EPM2A: variants seen among roughly 807,000 people sequenced by gnomAD.
EPM2A encodes EPM2A glucan phosphatase, laforin.
A neutral mutation model predicts 26.5 loss-of-function variants in EPM2A; 21 were observed. The ratio of observed to expected loss-of-function variants is 0.79; its 90% CI spans 0.56 to 1.14. EPM2A has a LOEUF of 1.14. Among genes scored for constraint, EPM2A ranks in the 50% most tolerant of loss-of-function variants. The probability of loss-of-function intolerance (pLI) is 0.00; values close to 1 mark genes in which losing one functional copy is unlikely to be tolerated. For synonymous variants in EPM2A, 217 were observed against 177.6 expected (o/e 1.22, Z -1.76); for missense variants, 458 against 440.8 (o/e 1.04, Z -0.35).
chr6:145,706,588 G>T (rs1782235454), intron 1 of EPM2A, among the ~76,000 whole-genome samples: 1 of 152,036 alleles, frequency 6.6e-6, no homozygotes, highest in Non-Finnish European at 1.5e-5. Flanking sequence ...GTAGCCACTG[G>T]AGAAAAACAG....
In EPM2A at chr6:145,626,650, G is replaced by T. The variant is rs560480535; in HGVS notation, c.*766C>A. ...AAATAAATATAGATTATTAACTCCA[G>T]CTTGCCCTTGACTGGTCATGAGACC... On this transcript the variant is annotated 3_prime_UTR_variant, in exon 4 of 4. Transcript: ENST00000367519. 2.0e-6 allele frequency: 2 copies of T among 979,292 alleles called. No individual in the cohort carries two copies. Among genetic ancestry groups the T allele is most frequent in the African/African-American group, 1.7e-5 (1 of 57,208 alleles). 60.7% of individuals were successfully genotyped at this position (979,292 alleles called of 1,614,324 possible).
At chr6:145,565,502 CAT>C (rs1780873301) in intron 2 of EPM2A, among the ~76,000 whole-genome samples, 1 of 151,410 alleles carries the variant, frequency 6.6e-6, no homozygotes, top group African/African-American at 2.4e-5. Flanking sequence ...GATCTTAAAA[CAT>C]GTACTTGCTT....
chr6:145,697,982 A>T (rs1308560250), intron 1 of EPM2A, among the ~76,000 whole-genome samples: 1 of 152,004 alleles, frequency 6.6e-6, no homozygotes, highest in Non-Finnish European at 1.5e-5. Flanking sequence ...AAGGGTATTA[A>T]TTGGGGAAGT....
intron 1 of EPM2A, among the ~76,000 whole-genome samples, chr6:145,722,327 G>C (rs1458572780): frequency 6.6e-6 from 1 of 152,136 alleles, no homozygotes; most frequent in Non-Finnish European, 1.5e-5. Flanking sequence ...GAAATTAAGA[G>C]AAAAGTCAAG....
chr6:145,434,225 A>G (rs1258939145), intron 4 of EPM2A, among the ~76,000 whole-genome samples: 2 of 148,282 alleles, frequency 1.3e-5, no homozygotes, highest in Non-Finnish European at 3.0e-5. Context: ...ATGATTTTCA[A>G]TTTCTCTTTG....
chr6:145,650,263 G>T (rs1403907190), intron 2 of EPM2A, among the ~76,000 whole-genome samples: 1 of 152,042 alleles, frequency 6.6e-6, no homozygotes, highest in Non-Finnish European at 1.5e-5. Context: ...AAATATTGAT[G>T]TCCTTGACCG....
intron 2 of EPM2A, among the ~76,000 whole-genome samples, chr6:145,679,329 A>G (rs1780321571): frequency 6.6e-6 from 1 of 152,148 alleles, no homozygotes; most frequent in Admixed American, 6.5e-5. Flanking sequence ...TGATGGGTGC[A>G]GCAAACCAAC....
intron 4 of EPM2A, among the ~76,000 whole-genome samples, chr6:145,384,338 A>AAAAATAAAAAAAGGTCATTTGTAAAT (rs1397091010): frequency 3.3e-5 from 5 of 149,954 alleles, no homozygotes; most frequent in Non-Finnish European, 4.5e-5. Flanking sequence ...GGCTGTTGTA[A>AAAAATAAAAAAAGGTCATTTGTAAAT]GTTGGATTTC....
chr6:145,390,193 T>C (rs1778318451), intron 4 of EPM2A, among the ~76,000 whole-genome samples: 1 of 152,152 alleles, frequency 6.6e-6, no homozygotes, highest in Non-Finnish European at 1.5e-5. Flanking sequence ...GAATTCCTTC[T>C]TTCTTTGGGG....
chr6:145,465,157 G>A (rs913335606), intron 4 of EPM2A, among the ~76,000 whole-genome samples: 1 of 151,794 alleles, frequency 6.6e-6, no homozygotes, highest in South Asian at 2.1e-4. Context: ...CATATTTCTT[G>A]GAGGCTTTGC....
At chr6:145,637,509 T>C (rs1379256777) in intron 2 of EPM2A, 1 of 151,964 alleles carries the variant, frequency 6.6e-6, no homozygotes, top group African/African-American at 2.4e-5. Context: ...GTCTAAAGGG[T>C]TATTAGGAAT....
chr6:145,653,190 C>T (rs1205990194), intron 2 of EPM2A, among the ~76,000 whole-genome samples: 1 of 152,192 alleles, frequency 6.6e-6, no homozygotes. Context: ...GAAGGAGGGA[C>T]CTGTAATCCC....
At chr6:145,476,095 G>A (rs75829907) in intron 4 of EPM2A, among the ~76,000 whole-genome samples, 2,214 of 152,106 alleles carry the variant, frequency 0.015, 16 homozygotes, top group Middle Eastern at 0.024. Context: ...CATGCCAATT[G>A]AAACCAAAAC....
intron 4 of EPM2A, among the ~76,000 whole-genome samples, chr6:145,430,148 C>A (rs1231706049): frequency 6.6e-6 from 1 of 151,742 alleles, no homozygotes; most frequent in African/African-American, 2.4e-5. Flanking sequence ...GCCGAGATGG[C>A]ACCATTGCAC....
chr6:145,645,799 G>T (rs748869552), intron 2 of EPM2A, among the ~76,000 whole-genome samples: 16 of 152,032 alleles, frequency 1.1e-4, no homozygotes, highest in Admixed American at 3.3e-4. Flanking sequence ...TCGCCATGTT[G>T]CCCAGGCTGG....
chr6:145,412,146 G>C (rs1778652095), intron 4 of EPM2A, among the ~76,000 whole-genome samples: 1 of 151,464 alleles, frequency 6.6e-6, no homozygotes, highest in Admixed American at 6.6e-5. Flanking sequence ...GAACCTGGGA[G>C]GCAGGGGTTG....
At chr6:145,394,373 A>T (rs1778377862) in intron 4 of EPM2A, among the ~76,000 whole-genome samples, 2 of 152,228 alleles carry the variant, frequency 1.3e-5, no homozygotes, top group South Asian at 2.1e-4. Flanking sequence ...AAACTGCCTG[A>T]TACACTCTGG....
At chr6:145,669,824 T>G (rs956577335) in intron 2 of EPM2A, among the ~76,000 whole-genome samples, 3 of 152,202 alleles carry the variant, frequency 2.0e-5, no homozygotes, top group African/African-American at 7.2e-5. Context: ...ATTTTAAAAT[T>G]CATGAGTCAG....
intron 4 of EPM2A, among the ~76,000 whole-genome samples, chr6:145,446,887 CT>C (rs1187992649): frequency 6.6e-6 from 1 of 152,020 alleles, no homozygotes; most frequent in Non-Finnish European, 1.5e-5. Context: ...CTTGGATCTT[CT>C]TTGATGCTTT....
Sources: gnomAD v4.1 joint callset for allele counts (sites outside exome capture counted in the v4.1 genomes callset) on GRCh38, gnomAD v4.1.1 for gene constraint, MANE v1.5 for transcripts, NCBI Gene and HGNC (gene_info 2026-07-23, HGNC 2026-07-21) for gene names.